SNTG2: variants seen among roughly 807,000 people sequenced by gnomAD.
SNTG2 encodes the protein syntrophin gamma 2, also known as gamma-2-syntrophin.
Under a neutral mutation model 70.9 loss-of-function variants are expected in SNTG2, and 74 were observed. The ratio of observed to expected loss-of-function variants is 1.04; its 90% CI spans 0.86 to 1.27. The LOEUF (loss-of-function observed/expected upper bound fraction) is 1.27, where lower values mean the gene tolerates loss of function less well. Among genes scored for constraint, SNTG2 ranks in the 50% most tolerant of loss-of-function variants. The pLI is 0.00. For synonymous variants in SNTG2, 278 were observed against 273.8 expected, an observed-to-expected ratio of 1.02 and a Z score of -0.15; for missense variants, 717 against 690.7, an observed-to-expected ratio of 1.04 and a Z score of -0.43.
intron 16 of SNTG2, chr2:1,341,648 T>C (rs760670165): frequency 1.3e-5 from 2 of 152,126 alleles, no homozygotes; most frequent in Non-Finnish European, 2.9e-5. Flanking sequence ...GACAGTTGCA[T>C]TTCCTTTGAA....
intron 6 of SNTG2, among the ~76,000 whole-genome samples, chr2:1,155,436 C>A (rs769022916): frequency 1.3e-5 from 2 of 152,046 alleles, no homozygotes; most frequent in Non-Finnish European, 2.9e-5. Context: ...GTACACACAC[C>A]ACATATGTAC....
At chr2:1,024,189 A>G (rs937885587) in intron 1 of SNTG2, among the ~76,000 whole-genome samples, 3 of 152,208 alleles carry the variant, frequency 2.0e-5, no homozygotes, top group South Asian at 2.1e-4. Context: ...TTGAAAATGA[A>G]GCAGAAAAAG....
chr2:1,181,954 G>A (rs538877921), intron 8 of SNTG2, among the ~76,000 whole-genome samples: 1 of 152,340 alleles, frequency 6.6e-6, no homozygotes, highest in East Asian at 1.9e-4. Flanking sequence ...AGGTTTGGAA[G>A]TACAGAATCC....
At chr2:1,014,442 C>T (rs1370030495) in intron 1 of SNTG2, among the ~76,000 whole-genome samples, 1 of 91,912 alleles carries the variant, frequency 1.1e-5, no homozygotes, top group Admixed American at 1.1e-4. Context: ...TTTATATGGG[C>T]AGAGAGAAGG....
At chr2:1,264,610 T>G (rs1344605879) in intron 13 of SNTG2, among the ~76,000 whole-genome samples, 1 of 152,282 alleles carries the variant, frequency 6.6e-6, no homozygotes, top group Non-Finnish European at 1.5e-5. Context: ...ACCATTCATC[T>G]CATAAACAGA....
chr2:1,198,105 A>G (rs1379783544), intron 8 of SNTG2, among the ~76,000 whole-genome samples: 1 of 152,108 alleles, frequency 6.6e-6, no homozygotes, highest in Non-Finnish European at 1.5e-5. Context: ...TTAGGCCACA[A>G]AAAAAAGTGG....
intron 4 of SNTG2, among the ~76,000 whole-genome samples, chr2:1,133,727 C>T (rs572602407): frequency 2.6e-5 from 4 of 152,148 alleles, no homozygotes; most frequent in South Asian, 2.1e-4. Context: ...TAAAAGTGTC[C>T]GTCAGCTGAA....
intron 2 of SNTG2, among the ~76,000 whole-genome samples, chr2:1,093,188 G>A (rs1323145080): frequency 6.6e-6 from 1 of 152,160 alleles, no homozygotes; most frequent in Non-Finnish European, 1.5e-5. Flanking sequence ...GGCAGCTCAC[G>A]ATCCGCACCT....
intron 8 of SNTG2, among the ~76,000 whole-genome samples, chr2:1,207,420 T>A (rs1673703456): frequency 1.5e-3 from 1 of 656 alleles, no homozygotes; most frequent in Non-Finnish European, 4.2e-3. Flanking sequence ...CTATGTGAGT[T>A]TTTTTTTCTG....
rs771472336 is a variant in SNTG2 at position 1,267,605 on chromosome 2, C to T, written c.1284+34C>T. Reference sequence around the variant, plus strand: ...ACAACTCACACTCTTCTCACCTACACCTGCTCGGGTGTCTGAGACATAGCA... The same window carrying T: ...ACAACTCACACTCTTCTCACCTACATCTGCTCGGGTGTCTGAGACATAGCA... On this transcript the variant is annotated intron_variant, in intron 14 of 16. Transcript: ENST00000308624. 1.4e-5 allele frequency: 22 copies of T among 1,584,486 alleles called. 3 individuals carry two copies. The South Asian group carries it at 2.2e-4, about 16-fold the overall frequency.
intron 14 of SNTG2, among the ~76,000 whole-genome samples, chr2:1,306,224 G>T (rs1171680963): frequency 6.6e-6 from 1 of 152,180 alleles, no homozygotes; most frequent in South Asian, 2.1e-4. Flanking sequence ...CCAACAGTGT[G>T]TAGAGTATTT....
intron 1 of SNTG2, among the ~76,000 whole-genome samples, chr2:1,034,369 G>C (rs1192806965): frequency 6.6e-6 from 1 of 152,088 alleles, no homozygotes; most frequent in Non-Finnish European, 1.5e-5. Flanking sequence ...TGAGTATTTG[G>C]TTGATTCCAT....
rs779296211 is a variant in SNTG2 at position 1,247,439 on chromosome 2, C to T, written c.1001C>T (p.Pro334Leu). 5.0e-6 allele frequency: 8 copies of T among 1,609,830 alleles called. No individual in the cohort carries two copies. Among genetic ancestry groups the T allele is most frequent in the South Asian group, 1.1e-5 (1 of 90,976 alleles). Residue 334 changes from proline to leucine, a missense_variant, in exon 12 of 17, where the codon CCT becomes CTT. By Grantham distance (98) the Pro-to-Leu change is moderately conservative. Coordinates refer to ENST00000308624, the MANE Select transcript of SNTG2 (RefSeq NM_018968.4). ...KGPSFYVFSTPPVSTFDWVRA... is the reference protein window; with the variant it reads ...KGPSFYVFSTLPVSTFDWVRA... The stretch of plus-strand genomic sequence containing the variant: ...CCGTCCTTCTACGTTTTCAGCACTC[C>T]TCCGGTAAGGATGCTTTTGACACTC...
intron 9 of SNTG2, 37 bp from the exon 10 acceptor site, chr2:1,237,851 G>T: frequency 1.3e-6 from 2 of 1,569,618 alleles, no homozygotes; most frequent in East Asian, 2.4e-5. Context: ...CGCTCCCGTC[G>T]CTGCGGGGCC....
intron 9 of SNTG2, among the ~76,000 whole-genome samples, chr2:1,216,550 TTTAGTTTAATTAGATCCCA>T (rs1158820754): frequency 3.9e-5 from 6 of 152,220 alleles, no homozygotes; most frequent in Middle Eastern, 3.2e-3. Context: ...GCAGAAGCTC[TTTAGTTTAATTAGATCCCA>T]TTAGTTTAAT....
intron 8 of SNTG2, among the ~76,000 whole-genome samples, chr2:1,202,654 A>C (rs983884693): frequency 8.5e-5 from 13 of 152,320 alleles, no homozygotes; most frequent in Middle Eastern, 3.4e-3. Context: ...AAAAAGCAAC[A>C]TCCAACTGTA....
At chr2:1,034,494 A>G (rs1035747897) in intron 1 of SNTG2, among the ~76,000 whole-genome samples, 3 of 152,202 alleles carry the variant, frequency 2.0e-5, no homozygotes, top group Admixed American at 2.0e-4. Flanking sequence ...TGGCTGGGTC[A>G]AATGGTAGTT....
intron 6 of SNTG2, among the ~76,000 whole-genome samples, chr2:1,154,363 G>A (rs941073900): frequency 6.6e-6 from 1 of 152,204 alleles, no homozygotes; most frequent in South Asian, 2.1e-4. Context: ...GGGATGGGAC[G>A]CCAAAGCACA....
rs182827586 is a variant in SNTG2, at chr2:1,350,878, T to C, written c.1489-16465T>C. On this transcript the variant is annotated intron_variant, in intron 16 of 16. Transcript: ENST00000308624. ...TGAATAGGGACATGATTGACTTGAA[T>C]TGATGCCTGATTTTCATGTTTTTGT... Among the ~76,000 whole-genome samples the C allele has an allele frequency of 1.6e-3, 242 of 152,232 alleles. 1 individual carries two copies. The highest frequency in any genetic ancestry group is 3.4e-3 in the Middle Eastern group (1 of 294).
Sources: allele counts gnomAD v4.1 joint callset (sites outside exome capture counted in the v4.1 genomes callset), GRCh38; gene constraint gnomAD v4.1.1; transcripts MANE v1.5; gene names NCBI Gene and HGNC (gene_info 2026-07-23, HGNC 2026-07-21).